SHROOM4: variants seen among roughly 807,000 people sequenced by gnomAD.
SHROOM4 encodes protein Shroom4.
SHROOM4 carries 17 observed loss-of-function variants against 80.3 expected under a neutral mutation model. The ratio of observed to expected loss-of-function variants is 0.21; its 90% CI spans 0.14 to 0.32. The LOEUF (loss-of-function observed/expected upper bound fraction) is 0.32, where lower values mean the gene tolerates loss of function less well. Ranked by LOEUF, SHROOM4 falls within the 10% of genes least tolerant of loss-of-function variation. The probability of loss-of-function intolerance (pLI) is 1.00; values close to 1 mark genes in which losing one functional copy is unlikely to be tolerated. For missense variants in SHROOM4, 993 were observed against 1,140.3 expected (o/e 0.87, Z 1.86); for synonymous variants, 400 against 437.5 (o/e 0.91, Z 1.07).
intron 1 of SHROOM4, among the ~76,000 whole-genome samples, chrX:50,776,895 C>T (rs782491297): frequency 4.6e-5 from 5 of 109,703 alleles, no homozygotes; most frequent in East Asian, 5.7e-4. Flanking sequence ...TACTATATTG[C>T]CCAGGCTGTC....
At position 50,635,348 on chromosome X, in the gene SHROOM4, C is replaced by T. The variant is rs369983093; in HGVS notation, c.725G>A (p.Arg242His). The change falls in exon 4 of 9, where the codon CGC becomes CAC. Residue 242 changes from arginine to histidine, a missense_variant. Transcript: ENST00000376020. Reference protein sequence around the residue: ...NVAETSGGSRRTNGGHLTPSS... With the variant: ...NVAETSGGSRHTNGGHLTPSS... The stretch of plus-strand genomic sequence containing the variant: ...GGGGGTCAGGTGGCCCCCATTGGTG[C>T]GCCGACTACCTCCTGAGGTCTCAGC... The T allele has an allele frequency of 2.0e-5, 24 of 1,200,736 alleles. No individual in the cohort carries two copies. In the South Asian group the frequency reaches 2.7e-4, roughly 14 times the overall value.
chrX:50,653,017 T>C (rs1932165843), intron 2 of SHROOM4, among the ~76,000 whole-genome samples: 1 of 111,744 alleles, frequency 8.9e-6, no homozygotes. Flanking sequence ...TCCAGCTTTG[T>C]TCTTTTTGCT....
chrX:50,786,462 A>G (rs1448312181), intron 1 of SHROOM4, among the ~76,000 whole-genome samples: 8 of 111,766 alleles, frequency 7.2e-5, no homozygotes, highest in Non-Finnish European at 7.5e-5. Context: ...TTTGTGGGGG[A>G]TGCACAAAGG....
At chrX:50,681,634 A>G (rs1197685119) in intron 2 of SHROOM4, among the ~76,000 whole-genome samples, 1 of 112,032 alleles carries the variant, frequency 8.9e-6, no homozygotes, top group African/African-American at 3.2e-5. Context: ...GTCATTTTAT[A>G]TGCCTTTGCA....
At chrX:50,812,041 G>A (rs1311357375) in intron 1 of SHROOM4, among the ~76,000 whole-genome samples, 1 of 109,502 alleles carries the variant, frequency 9.1e-6, no homozygotes, top group Non-Finnish European at 1.9e-5. Context: ...AAAATAATCC[G>A]GGACCACAGC....
chrX:50,735,708 T>C (rs782166344), intron 1 of SHROOM4, among the ~76,000 whole-genome samples: 7 of 110,382 alleles, frequency 6.3e-5, no homozygotes, highest in Non-Finnish European at 7.6e-5. Flanking sequence ...AACAAACACA[T>C]GAAAAGATGA....
chrX:50,804,119 C>T (rs909035591), intron 1 of SHROOM4, among the ~76,000 whole-genome samples: 7 of 111,640 alleles, frequency 6.3e-5, no homozygotes, highest in African/African-American at 9.8e-5. Context: ...CTGTGGAATG[C>T]GCTTGCTTGC....
chrX:50,768,404 T>C (rs1935324381), intron 1 of SHROOM4, among the ~76,000 whole-genome samples: 1 of 111,871 alleles, frequency 8.9e-6, no homozygotes, highest in South Asian at 3.8e-4. Context: ...CAGAAGAAAT[T>C]TAAGCTTTGA....
intron 1 of SHROOM4, among the ~76,000 whole-genome samples, chrX:50,806,969 T>C (rs1557273073): frequency 8.9e-6 from 1 of 112,504 alleles, no homozygotes; most frequent in East Asian, 2.8e-4. Flanking sequence ...TAGGACATTA[T>C]AAATGATGGT....
At chrX:50,578,452 C>T in the SHROOM4 span, among the ~76,000 whole-genome samples, 1 of 111,697 alleles carries the variant, frequency 9.0e-6, no homozygotes, top group Non-Finnish European at 1.9e-5. Flanking sequence ...GACTACGGTG[C>T]GTGCCACCAC....
the SHROOM4 span, among the ~76,000 whole-genome samples, chrX:50,576,631 G>C: frequency 9.0e-6 from 1 of 111,350 alleles, no homozygotes; most frequent in Non-Finnish European, 1.9e-5. Flanking sequence ...TTGTGTGTGT[G>C]TGTTCTGTTT....
intron 1 of SHROOM4, among the ~76,000 whole-genome samples, chrX:50,705,327 C>T (rs1488791365): frequency 9.0e-6 from 1 of 110,851 alleles, no homozygotes; most frequent in Non-Finnish European, 1.9e-5. Context: ...ACTCTTGCAT[C>T]AGAGATTATT....
chrX:50,634,163 G>A lies in SHROOM4; in HGVS notation c.1910C>T (p.Thr637Ile). Reference sequence around the variant, plus strand: ...TTTTTTACATGAAGATAGAAGAGATGTGTTAGAGGCAGTGAGTGGAGGACT... The same window carrying A: ...TTTTTTACATGAAGATAGAAGAGATATGTTAGAGGCAGTGAGTGGAGGACT... ...PESPPLTASN[T>I]SLLSSCKKPP... The change falls in exon 4 of 9, where the codon ACA (threonine) becomes ATA (isoleucine). Residue 637 changes from threonine to isoleucine, a missense_variant. Physicochemically the swap from Thr to Ile is moderately conservative, Grantham distance 89. Coordinates refer to ENST00000376020, the MANE Select transcript of SHROOM4 (RefSeq NM_020717.5). 4 of 1,211,795 alleles carry A rather than the reference G, an allele frequency of 3.3e-6. No individual in the cohort carries two copies. The highest frequency in any genetic ancestry group is 4.5e-6 in the Non-Finnish European group (4 of 895,540).
chrX:50,602,108 G>A (rs1463456957), intron 7 of SHROOM4, among the ~76,000 whole-genome samples: 2 of 87,077 alleles, frequency 2.3e-5, no homozygotes, highest in African/African-American at 8.7e-5. Context: ...TTTTTTTTTT[G>A]AGACTGAGTT....
intron 1 of SHROOM4, among the ~76,000 whole-genome samples, chrX:50,766,370 T>A (rs1557269332): frequency 9.0e-6 from 1 of 111,111 alleles, no homozygotes; most frequent in East Asian, 2.8e-4. Flanking sequence ...ACACACAGGA[T>A]CACAGTCTTA....
At chrX:50,797,989 A>G (rs188358487) in intron 1 of SHROOM4, among the ~76,000 whole-genome samples, 2 of 111,010 alleles carry the variant, frequency 1.8e-5, no homozygotes, top group Non-Finnish European at 3.8e-5. Flanking sequence ...TTTATCATCT[A>G]TCCCCAAAAT....
At chrX:50,717,090 G>C (rs1458434665) in intron 1 of SHROOM4, among the ~76,000 whole-genome samples, 2 of 112,222 alleles carry the variant, frequency 1.8e-5, no homozygotes, top group African/African-American at 6.5e-5. Context: ...GCACTTCCAG[G>C]CTGGCTCACT....
chrX:50,596,659 G>A lies in SHROOM4; in HGVS notation c.*36C>T. The A allele has an allele frequency of 8.3e-7, 1 of 1,204,194 alleles. No individual in the cohort carries two copies. The highest frequency in any genetic ancestry group is 1.1e-6 in the Non-Finnish European group (1 of 894,173). On this transcript the variant is annotated 3_prime_UTR_variant, in exon 9 of 9. Coordinates refer to ENST00000376020, the MANE Select transcript of SHROOM4 (RefSeq NM_020717.5). Reference sequence around the variant, plus strand: ...GAAGATTGAAAGCACTTCCCACATGGCTGGGCAGGGATGCTGTGGCAGAGT... The same window carrying A: ...GAAGATTGAAAGCACTTCCCACATGACTGGGCAGGGATGCTGTGGCAGAGT...
intron 1 of SHROOM4, among the ~76,000 whole-genome samples, chrX:50,749,652 TACATTCTAGCAAAGGGTACA>T (rs1189159391): frequency 2.7e-5 from 3 of 111,543 alleles, no homozygotes; most frequent in Non-Finnish European, 3.8e-5. Flanking sequence ...AGAGGAAGGG[TACATTCTAGCAAAGGGTACA>T]ACATGTGCAA....
Sources: allele counts gnomAD v4.1 joint callset (sites outside exome capture counted in the v4.1 genomes callset), GRCh38; gene constraint gnomAD v4.1.1; transcripts MANE v1.5; gene names NCBI Gene and HGNC (gene_info 2026-07-23, HGNC 2026-07-21).